RASGEF1C: variants seen among roughly 807,000 people sequenced by gnomAD.
RASGEF1C encodes RasGEF domain family member 1C.
A neutral mutation model predicts 58.1 loss-of-function variants in RASGEF1C; 27 were observed. The ratio of observed to expected loss-of-function variants is 0.46; its 90% CI spans 0.34 to 0.64. The LOEUF (loss-of-function observed/expected upper bound fraction) is 0.64. Ranked by LOEUF, RASGEF1C falls within the 30% of genes least tolerant of loss-of-function variation. RASGEF1C has a pLI of 0.01. For synonymous variants in RASGEF1C, 243 were observed against 246.3 expected, an observed-to-expected ratio of 0.99 and a Z score of 0.13; for missense variants, 502 against 605.1, an observed-to-expected ratio of 0.83 and a Z score of 1.79.
At chr5:180,162,122 G>A (rs1194491408) in intron 1 of RASGEF1C, among the ~76,000 whole-genome samples, 1 of 152,256 alleles carries the variant, frequency 6.6e-6, no homozygotes, top group Non-Finnish European at 1.5e-5. Context: ...GGAAGGTCCT[G>A]GGTTGTCTAG....
intron 4 of RASGEF1C, among the ~76,000 whole-genome samples, chr5:180,131,574 C>T (rs1766371319): frequency 6.6e-6 from 1 of 152,152 alleles, no homozygotes; most frequent in Non-Finnish European, 1.5e-5. Flanking sequence ...GGACCACAAG[C>T]TCCACACAGC....
intron 12 of RASGEF1C, among the ~76,000 whole-genome samples, chr5:180,103,232 C>T (rs1258668131): frequency 6.6e-6 from 1 of 152,172 alleles, no homozygotes; most frequent in Non-Finnish European, 1.5e-5. Flanking sequence ...TACCCACCAC[C>T]ACGCCCGGCT....
At chr5:180,174,491 C>CGCGT (rs1554114713) in intron 1 of RASGEF1C, among the ~76,000 whole-genome samples, 3 of 143,692 alleles carry the variant, frequency 2.1e-5, no homozygotes, top group Admixed American at 6.8e-5. Context: ...TGTGTGTGCG[C>CGCGT]GTGTGTGTCT....
intron 1 of RASGEF1C, among the ~76,000 whole-genome samples, chr5:180,204,682 C>G (rs1451274633): frequency 6.6e-6 from 1 of 151,830 alleles, no homozygotes; most frequent in Non-Finnish European, 1.5e-5. Flanking sequence ...TCTTCCCATC[C>G]TAAAGTCAGC....
In RASGEF1C at chr5:180,198,247, C is replaced by T. The variant is rs1412564132; in HGVS notation, c.-7+10781G>A. 6.6e-6 allele frequency among the ~76,000 whole-genome samples: 1 copy of T among 152,212 alleles called. No individual in the cohort carries two copies. Among genetic ancestry groups the T allele is most frequent in the African/African-American group, 2.4e-5 (1 of 41,452 alleles). On this transcript the variant is annotated intron_variant, in intron 1 of 13. Transcript: ENST00000361132. This position sits in a 1 kb window ranked among gnomAD's most constrained non-coding sequence, Gnocchi z 4.5. ...GCCACCCAGCAGAAGAGGACCAGGA[C>T]CCCTGCTATGATTTCTGAAAGTCAA... is the stretch of plus-strand genomic sequence containing the variant.
chr5:180,133,712 C>A (rs1339446746), intron 4 of RASGEF1C, among the ~76,000 whole-genome samples: 2 of 150,354 alleles, frequency 1.3e-5, no homozygotes, highest in African/African-American at 2.5e-5. Flanking sequence ...ACAGGACAAA[C>A]CAGTTCGGCA....
intron 1 of RASGEF1C, among the ~76,000 whole-genome samples, chr5:180,171,177 G>A (rs908997820): frequency 6.6e-6 from 1 of 152,146 alleles, no homozygotes; most frequent in South Asian, 2.1e-4. Context: ...GGAGCCAGGG[G>A]AGCACAGGGA....
rs1756373750 is a variant in RASGEF1C, at chr5:180,200,675, G to A, written c.-7+8353C>T. Among the ~76,000 whole-genome samples the A allele has an allele frequency of 2.6e-5, 4 of 152,032 alleles. No individual in the cohort carries two copies. The South Asian group carries it at 8.3e-4, about 32-fold the overall frequency. Reference sequence around the variant, plus strand: ...GGCTGCAGACATCTCTAGGTCCCCAGAGATAATGGTGGCCACCTGAATCCA... The same window carrying A: ...GGCTGCAGACATCTCTAGGTCCCCAAAGATAATGGTGGCCACCTGAATCCA... On this transcript the variant is annotated intron_variant, in intron 1 of 13. Transcript: ENST00000361132.
intron 12 of RASGEF1C, among the ~76,000 whole-genome samples, chr5:180,106,548 C>A (rs1356413973): frequency 6.6e-6 from 1 of 152,178 alleles, no homozygotes; most frequent in African/African-American, 2.4e-5. Flanking sequence ...ACAAGTGTGT[C>A]ATTTAATTTC....
intron 1 of RASGEF1C, among the ~76,000 whole-genome samples, chr5:180,194,294 T>C (rs66515139): frequency 0.033 from 5,016 of 152,338 alleles, 102 homozygotes; most frequent in Middle Eastern, 0.051. Flanking sequence ...TGAAATTGGT[T>C]AGAGCGCAAT....
At chr5:180,206,624 G>A (rs149995356) in intron 1 of RASGEF1C, among the ~76,000 whole-genome samples, 8 of 152,200 alleles carry the variant, frequency 5.3e-5, no homozygotes, top group African/African-American at 1.9e-4. Flanking sequence ...CAATATAGGT[G>A]CAAAGTTATC....
intron 1 of RASGEF1C, among the ~76,000 whole-genome samples, chr5:180,139,876 C>T (rs1766548284): frequency 6.6e-6 from 1 of 152,204 alleles, no homozygotes; most frequent in Non-Finnish European, 1.5e-5. Context: ...GGTCCGTTGT[C>T]TCCTGCTGGA....
rs549862872 is a variant in RASGEF1C at position 180,121,169 on chromosome 5, C to T, written c.715-20G>A. The T allele has an allele frequency of 2.2e-4, 348 of 1,557,054 alleles. No individual in the cohort carries two copies. The highest frequency in any genetic ancestry group is 5.0e-4 in the Middle Eastern group (3 of 5,956). On this transcript the variant is annotated intron_variant, in intron 6 of 13. Transcript: ENST00000361132. ...GCAGGGCTAGAACAAACACAGCACA[C>T]GGGACCACGTTCTGAGCCTTTTTGT... is the stretch of plus-strand genomic sequence containing the variant.
chr5:180,101,385 T>C lies in RASGEF1C; in HGVS notation c.*116A>G, dbSNP rs563754420. On this transcript the variant is annotated 3_prime_UTR_variant, in exon 14 of 14. Transcript: ENST00000361132. Reference sequence around the variant, plus strand: ...GGGGGGCGGGCAGCAGGCCACAGGGTCGGCATTTGCAAAATAGTGAGGCAC... The same window carrying C: ...GGGGGGCGGGCAGCAGGCCACAGGGCCGGCATTTGCAAAATAGTGAGGCAC... The C allele has an allele frequency of 1.4e-3, 1,555 of 1,102,454 alleles. 22 individuals carry two copies. The African/African-American group carries it at 0.022, about 16-fold the overall frequency. The allele number at this position is 1,102,454 out of a possible 1,614,324, so 68.3% of individuals were successfully genotyped here.
chr5:180,128,817 G>GGCC (rs1240865927), intron 4 of RASGEF1C, among the ~76,000 whole-genome samples: 3 of 152,232 alleles, frequency 2.0e-5, no homozygotes, highest in Non-Finnish European at 2.9e-5. Flanking sequence ...CCTGGCAAGG[G>GGCC]ATCTGGGGTG....
chr5:180,142,774 G>T (rs115460706), intron 1 of RASGEF1C, among the ~76,000 whole-genome samples: 3 of 152,084 alleles, frequency 2.0e-5, no homozygotes, highest in Non-Finnish European at 4.4e-5. Flanking sequence ...AGTCGCTGCT[G>T]TGCCCTCCTC....
chr5:180,102,634 G>C (rs960975895), intron 12 of RASGEF1C, among the ~76,000 whole-genome samples: 3 of 151,884 alleles, frequency 2.0e-5, no homozygotes, highest in African/African-American at 4.8e-5. Context: ...CTCCGGCACT[G>C]TTTGTTGGAG....
At position 180,137,556 on chromosome 5, in the gene RASGEF1C, A is replaced by G. The variant is rs775298863; in HGVS notation, c.300+34T>C. The G allele has an allele frequency of 6.3e-7, 1 of 1,596,692 alleles. No homozygotes were observed. Among genetic ancestry groups the G allele is most frequent in the South Asian group, 1.1e-5 (1 of 88,916 alleles). On this transcript the variant is annotated intron_variant, in intron 3 of 13. Coordinates refer to ENST00000361132, the MANE Select transcript of RASGEF1C (RefSeq NM_175062.4). The surrounding 1 kb of genome is among the most constrained non-coding windows in gnomAD (Gnocchi z 4.1). ...GGGCATGGCAGGGCAGTGCTGGTAC[A>G]CTCTGAGACCCCCTGGCCTGCCCTC...
At chr5:180,136,160 T>C (rs1181698748) in intron 4 of RASGEF1C, among the ~76,000 whole-genome samples, 1 of 152,218 alleles carries the variant, frequency 6.6e-6, no homozygotes, top group East Asian at 1.9e-4. Flanking sequence ...CGCCATCTGA[T>C]GCCATTGGTG....
Sources: allele counts gnomAD v4.1 joint callset (sites outside exome capture counted in the v4.1 genomes callset), GRCh38; gene constraint gnomAD v4.1.1; non-coding constraint Gnocchi (gnomAD v3.1); transcripts MANE v1.5; gene names NCBI Gene and HGNC (gene_info 2026-07-23, HGNC 2026-07-21).